RNF6: variants seen among roughly 807,000 people sequenced by gnomAD.
The protein encoded by RNF6 is ring finger protein 6, also known as E3 ubiquitin-protein ligase RNF6.
In RNF6, 21 loss-of-function variants were observed where a neutral mutation model predicts 50.1. That is an observed-to-expected ratio of 0.42 (90% CI 0.30 to 0.60). The LOEUF is 0.60. Among genes scored for constraint, RNF6 ranks in the 20% least tolerant of loss-of-function variants. RNF6 has a pLI of 0.20. For missense variants in RNF6, 698 were observed against 838.2 expected, an observed-to-expected ratio of 0.83 and a Z score of 2.07; for synonymous variants, 255 against 291.8, an observed-to-expected ratio of 0.87 and a Z score of 1.29.
chr13:26,166,692 G>A (rs1302203397), intron 5 of RNF6, among the ~76,000 whole-genome samples: 1 of 152,086 alleles, frequency 6.6e-6, no homozygotes, highest in African/African-American at 2.4e-5. Context: ...GGCTGAGGTG[G>A]GTGGATCTCT....
chr13:26,203,947 G>A (rs572732571), intron 5 of RNF6, among the ~76,000 whole-genome samples: 132 of 150,600 alleles, frequency 8.8e-4, no homozygotes, highest in Middle Eastern at 3.4e-3. Flanking sequence ...AGCGAGACTC[G>A]GTCTCAAACA....
intron 5 of RNF6, among the ~76,000 whole-genome samples, chr13:26,198,671 C>A (rs941642343): frequency 2.0e-5 from 3 of 151,696 alleles, no homozygotes; most frequent in Admixed American, 6.6e-5. Context: ...TTAAAAAAAA[C>A]CATATATATT....
chr13:26,219,317 A>G, intron 3 of RNF6, 140 bp downstream of exon 3: 2 of 703,600 alleles, frequency 2.8e-6, no homozygotes, highest in East Asian at 5.6e-5. Flanking sequence ...ATTATACTAA[A>G]AAGTTCTTAA....
At chr13:26,188,681 C>CTGGAGTG (rs1873674482) in intron 5 of RNF6, among the ~76,000 whole-genome samples, 1 of 115,918 alleles carries the variant, frequency 8.6e-6, no homozygotes, top group Non-Finnish European at 1.6e-5. Flanking sequence ...TGTTGCCAGG[C>CTGGAGTG]TGGAGTGGCA....
At chr13:26,221,187 G>C (rs185161174) in intron 2 of RNF6, 61 bp downstream of exon 2, 1 of 152,274 alleles carries the variant, frequency 6.6e-6, no homozygotes, top group East Asian at 1.9e-4. Context: ...TTTAAAACTT[G>C]AGCTTCTCCT....
intron 5 of RNF6, among the ~76,000 whole-genome samples, chr13:26,140,936 C>T (rs917164196): frequency 4.3e-4 from 66 of 152,118 alleles, no homozygotes; most frequent in African/African-American, 1.6e-3. Context: ...TGAAAGATCT[C>T]TACAAGGAGA....
At chr13:26,159,714 G>C (rs1046592299) in intron 5 of RNF6, among the ~76,000 whole-genome samples, 3 of 152,030 alleles carry the variant, frequency 2.0e-5, no homozygotes, top group Non-Finnish European at 1.5e-5. Flanking sequence ...ATCCTGCCTA[G>C]GGAATTCCTC....
rs1385984477 is a variant in RNF6, at chr13:26,138,194, A to G, written n.769-5743T>C. ...ACTTTGGCATAGAGAAGACACTAGG[A>G]TGACATATCCAAAGTACTGGAAGGA... On this transcript the variant is annotated intron_variant and non_coding_transcript_variant, in intron 5 of 5. Transcript: ENST00000468480. 2.0e-5 allele frequency among the ~76,000 whole-genome samples: 3 copies of G among 152,306 alleles called. No homozygotes were observed. In the East Asian group the frequency reaches 5.8e-4, roughly 29 times the overall value.
chr13:26,198,900 G>T (rs1268996958), intron 5 of RNF6, among the ~76,000 whole-genome samples: 1 of 151,928 alleles, frequency 6.6e-6, no homozygotes, highest in Non-Finnish European at 1.5e-5. Flanking sequence ...CAGACAACTT[G>T]AAATGCTTAG....
chr13:26,165,824 T>A (rs1872425840), intron 5 of RNF6, among the ~76,000 whole-genome samples: 1 of 152,244 alleles, frequency 6.6e-6, no homozygotes, highest in South Asian at 2.1e-4. Flanking sequence ...TGACTTGCTT[T>A]TGATTTTACT....
chr13:26,165,313 G>T (rs906305913), intron 5 of RNF6, among the ~76,000 whole-genome samples: 1 of 152,212 alleles, frequency 6.6e-6, no homozygotes, highest in Admixed American at 6.5e-5. Context: ...GTATGGAAAC[G>T]CCTGGATGTC....
intron 5 of RNF6, among the ~76,000 whole-genome samples, chr13:26,160,305 G>C (rs1872133120): frequency 6.6e-6 from 1 of 152,022 alleles, no homozygotes; most frequent in Non-Finnish European, 1.5e-5. Context: ...CACTACTTTT[G>C]ACTTGGCTAC....
At chr13:26,146,238 T>G (rs1871237246) in intron 5 of RNF6, among the ~76,000 whole-genome samples, 1 of 152,226 alleles carries the variant, frequency 6.6e-6, no homozygotes, top group Admixed American at 6.5e-5. Flanking sequence ...TCAAGGGGAC[T>G]CAGCAACACA....
chr13:26,145,435 G>T lies in RNF6; in HGVS notation n.769-12984C>A, dbSNP rs868380463. On this transcript the variant is annotated intron_variant and non_coding_transcript_variant, in intron 5 of 5. Coordinates refer to the RNF6 transcript ENST00000468480. Reference sequence around the variant, plus strand: ...TTGGAGGAGGGGCCTAGTAGGAGGTGACTGAATCATGGGGAGGGGGGGGGA... The same window carrying T: ...TTGGAGGAGGGGCCTAGTAGGAGGTTACTGAATCATGGGGAGGGGGGGGGA... 1.9e-3 allele frequency among the ~76,000 whole-genome samples: 229 copies of T among 122,172 alleles called. 1 individual carries two copies. Among genetic ancestry groups the T allele is most frequent in the African/African-American group, 6.9e-3 (210 of 30,300 alleles). 80.1% of individuals were successfully genotyped at this position (122,172 alleles called of 152,430 possible). A position where few individuals can be genotyped will look rare whatever the true frequency, so the allele number is the denominator to read the frequency against.
intron 5 of RNF6, among the ~76,000 whole-genome samples, chr13:26,163,755 C>A (rs1160649471): frequency 1.3e-5 from 2 of 152,070 alleles, no homozygotes; most frequent in Admixed American, 1.3e-4. Flanking sequence ...ACTTAAGAAT[C>A]TACTAATATC....
intron 5 of RNF6, among the ~76,000 whole-genome samples, chr13:26,158,237 G>C (rs1354779211): frequency 6.6e-6 from 1 of 152,070 alleles, no homozygotes; most frequent in African/African-American, 2.4e-5. Context: ...AGGTCTCTGC[G>C]TCTGCGTTCA....
At chr13:26,203,143 C>T (rs1868958960) in intron 5 of RNF6, among the ~76,000 whole-genome samples, 1 of 152,146 alleles carries the variant, frequency 6.6e-6, no homozygotes, top group South Asian at 2.1e-4. Flanking sequence ...GTACCTAATC[C>T]CTGTTGTAAA....
chr13:26,175,930 G>A (rs1593167849), intron 5 of RNF6, among the ~76,000 whole-genome samples: 1 of 151,990 alleles, frequency 6.6e-6, no homozygotes, highest in Admixed American at 6.6e-5. Flanking sequence ...AACAAGCAGG[G>A]GGTGGAGGAG....
intron 5 of RNF6, among the ~76,000 whole-genome samples, chr13:26,167,015 C>G (rs536874875): frequency 1.0e-3 from 153 of 152,314 alleles, no homozygotes; most frequent in Admixed American, 1.9e-3. Context: ...ATTACCCAGT[C>G]TTGGGTATGT....
Sources: allele counts gnomAD v4.1 joint callset (sites outside exome capture counted in the v4.1 genomes callset), GRCh38; gene constraint gnomAD v4.1.1; transcripts MANE v1.5; gene names NCBI Gene and HGNC (gene_info 2026-07-23, HGNC 2026-07-21).